Variants in KCNH1 observed in about 807,000 individuals in gnomAD.
KCNH1 encodes the protein potassium voltage-gated channel subfamily H member 1, also known as voltage-gated delayed rectifier potassium channel KCNH1.
Under a neutral mutation model 69.2 loss-of-function variants are expected in KCNH1, and 27 were observed. The ratio of observed to expected loss-of-function variants is 0.39; its 90% CI spans 0.29 to 0.54. The LOEUF (loss-of-function observed/expected upper bound fraction) is 0.54, where lower values mean the gene tolerates loss of function less well. Ranked by LOEUF, KCNH1 falls within the 20% of genes least tolerant of loss-of-function variation. KCNH1 has a pLI of 0.68. For synonymous variants in KCNH1, 456 were observed against 487.7 expected (o/e 0.93, Z 0.86); for missense variants, 798 against 1,261.6 (o/e 0.63, Z 5.57).
intron 6 of KCNH1, among the ~76,000 whole-genome samples, chr1:210,983,895 T>TA (rs1433368286): frequency 6.6e-6 from 1 of 152,252 alleles, no homozygotes; most frequent in African/African-American, 2.4e-5. Context: ...TGATTCTTCC[T>TA]ACCTATGAGC....
chr1:210,918,544 C>T (rs1687395878), intron 7 of KCNH1, among the ~76,000 whole-genome samples: 1 of 151,952 alleles, frequency 6.6e-6, no homozygotes, highest in African/African-American at 2.4e-5. Flanking sequence ...TGTCTACAGC[C>T]AAAAAAAGTT....
chr1:210,764,146 C>A (rs570119382), intron 10 of KCNH1, among the ~76,000 whole-genome samples: 1 of 151,892 alleles, frequency 6.6e-6, no homozygotes, highest in African/African-American at 2.4e-5. Context: ...ATAAATGATA[C>A]GAGAAAATTG....
chr1:210,765,627 G>C (rs1683613941), intron 10 of KCNH1, among the ~76,000 whole-genome samples: 1 of 152,128 alleles, frequency 6.6e-6, no homozygotes, highest in Admixed American at 6.5e-5. Flanking sequence ...ATCTGCAGAG[G>C]CTGAGAGACC....
intron 7 of KCNH1, among the ~76,000 whole-genome samples, chr1:210,877,594 C>T (rs1291562748): frequency 6.6e-6 from 1 of 152,200 alleles, no homozygotes; most frequent in Non-Finnish European, 1.5e-5. Flanking sequence ...CCCATTTTCA[C>T]TGCACTATTC....
intron 7 of KCNH1, among the ~76,000 whole-genome samples, chr1:210,816,902 A>G (rs1369194837): frequency 6.6e-6 from 1 of 152,236 alleles, no homozygotes; most frequent in African/African-American, 2.4e-5. Flanking sequence ...AGCCACTACT[A>G]TCACATTGAA....
chr1:210,694,396 T>C (rs1437580920), intron 10 of KCNH1, among the ~76,000 whole-genome samples: 5 of 152,102 alleles, frequency 3.3e-5, no homozygotes, highest in Non-Finnish European at 5.9e-5. Flanking sequence ...GACAGGTATC[T>C]TATCCTGGGT....
chr1:211,028,087 C>T (rs1399825681), intron 5 of KCNH1, among the ~76,000 whole-genome samples: 1 of 152,044 alleles, frequency 6.6e-6, no homozygotes, highest in Non-Finnish European at 1.5e-5. Context: ...TATGCTAGTC[C>T]ATAAAATAAA....
intron 6 of KCNH1, among the ~76,000 whole-genome samples, chr1:210,920,833 C>T (rs934171636): frequency 1.3e-5 from 2 of 152,100 alleles, no homozygotes; most frequent in Admixed American, 6.5e-5. Context: ...TCAGACACCA[C>T]CTACTTAAAT....
chr1:210,980,793 G>C (rs1688695433), intron 6 of KCNH1, among the ~76,000 whole-genome samples: 1 of 150,996 alleles, frequency 6.6e-6, no homozygotes, highest in African/African-American at 2.4e-5. Context: ...GAAGCTATGA[G>C]ATGGGACATC....
intron 7 of KCNH1, among the ~76,000 whole-genome samples, chr1:210,819,927 C>T (rs927607867): frequency 1.3e-5 from 2 of 152,208 alleles, no homozygotes; most frequent in Admixed American, 6.5e-5. Context: ...GCCATGAAGA[C>T]ACTCAACCAG....
At chr1:210,888,322 A>C (rs1293445394) in intron 7 of KCNH1, among the ~76,000 whole-genome samples, 1 of 152,126 alleles carries the variant, frequency 6.6e-6, no homozygotes, top group Non-Finnish European at 1.5e-5. Flanking sequence ...GGTAAACAAC[A>C]AAATTAAGGC....
chr1:211,034,861 A>T lies in KCNH1; in HGVS notation c.559-15605T>A, dbSNP rs1251443409. Among the ~76,000 whole-genome samples, 2 of 152,202 alleles carry T rather than the reference A, an allele frequency of 1.3e-5. 1 individual carries two copies. Among genetic ancestry groups the T allele is most frequent in the Admixed American group, 1.3e-4 (2 of 15,290 alleles). ...AACAGACACCTGCTGTTTGCAAACCAGTAATCTAGAGCTCCATAGTTCTTG... is the reference window on the plus strand; with the variant it reads ...AACAGACACCTGCTGTTTGCAAACCTGTAATCTAGAGCTCCATAGTTCTTG... On this transcript the variant is annotated intron_variant, in intron 5 of 10. Transcript: ENST00000271751.
chr1:210,913,940 G>C (rs1224139841), intron 7 of KCNH1, among the ~76,000 whole-genome samples: 5 of 152,134 alleles, frequency 3.3e-5, no homozygotes, highest in Non-Finnish European at 4.4e-5. Context: ...AAAGTAAGGA[G>C]TATGACCAGC....
chr1:210,818,223 GATA>G (rs1684858646), intron 7 of KCNH1, among the ~76,000 whole-genome samples: 1 of 152,126 alleles, frequency 6.6e-6, no homozygotes, highest in African/African-American at 2.4e-5. Context: ...TATTCATGAT[GATA>G]AAAACTTGGC....
At chr1:210,996,819 G>A (rs376095287) in intron 6 of KCNH1, among the ~76,000 whole-genome samples, 14 of 152,284 alleles carry the variant, frequency 9.2e-5, no homozygotes, top group East Asian at 5.8e-4. Context: ...CAGCATTTGC[G>A]GTTCACCAAT....
intron 6 of KCNH1, among the ~76,000 whole-genome samples, chr1:211,003,427 T>G (rs1689225139): frequency 6.6e-6 from 1 of 152,210 alleles, no homozygotes; most frequent in African/African-American, 2.4e-5. Context: ...CTTCTAGCTA[T>G]TAGTAAAAGC....
At chr1:211,117,914 C>T (rs777901386) in intron 1 of KCNH1, among the ~76,000 whole-genome samples, 24 of 152,310 alleles carry the variant, frequency 1.6e-4, no homozygotes, top group Non-Finnish European at 2.9e-4. Flanking sequence ...GTAATCAAAC[C>T]GGTCATGACC....
In KCNH1 at chr1:211,114,545, G is replaced by A. The variant is rs144946199; in HGVS notation, c.80-7168C>T. ...TAAGAATAAACAGGCTGAGAAAATG[G>A]GAATCTCCTGAATAAAGTACATAAA... is the stretch of plus-strand genomic sequence containing the variant. On this transcript the variant is annotated intron_variant, in intron 1 of 10. Transcript: ENST00000271751. Among the ~76,000 whole-genome samples the A allele has an allele frequency of 2.6e-5, 4 of 152,278 alleles. No individual in the cohort carries two copies. In the South Asian group the frequency reaches 6.2e-4, roughly 24 times the overall value.
chr1:211,003,033 T>TTTTGTTTGTTTGTTTG lies in KCNH1; in HGVS notation c.1032+15734_1032+15749dup, dbSNP rs61680039. 3.3e-5 allele frequency among the ~76,000 whole-genome samples: 5 copies of TTTTGTTTGTTTGTTTG among 151,248 alleles called. No individual in the cohort carries two copies. The East Asian group carries it at 9.9e-4, about 30-fold the overall frequency. On this transcript the variant is annotated intron_variant, in intron 6 of 10. Transcript: ENST00000271751. ...GTATGACTTGTGAGCTAAGAATGTT[T>TTTTGTTTGTTTGTTTG]TTTGTTTGTTTGTTTGTTTGTTTGT...
Sources: gnomAD v4.1 joint callset for allele counts (sites outside exome capture counted in the v4.1 genomes callset) on GRCh38, gnomAD v4.1.1 for gene constraint, MANE v1.5 for transcripts, NCBI Gene and HGNC (gene_info 2026-07-23, HGNC 2026-07-21) for gene names.